Variants in EPYC observed in about 807,000 individuals in gnomAD.
EPYC encodes the protein dermatan sulfate proteoglycan 3.
Under a neutral mutation model 30.1 loss-of-function variants are expected in EPYC, and 28 were observed. The ratio of observed to expected loss-of-function variants is 0.93; its 90% CI spans 0.69 to 1.28. The LOEUF is 1.28. Among genes scored for constraint, EPYC ranks in the 50% most tolerant of loss-of-function variants. The probability of loss-of-function intolerance (pLI) is 0.00; values close to 1 mark genes in which losing one functional copy is unlikely to be tolerated. For missense variants in EPYC, 382 were observed against 383.5 expected, an observed-to-expected ratio of 1.00 and a Z score of 0.03; for synonymous variants, 144 against 141.4, an observed-to-expected ratio of 1.02 and a Z score of -0.13.
intron 2 of EPYC, among the ~76,000 whole-genome samples, chr12:90,999,002 T>G (rs1158099075): frequency 2.0e-5 from 3 of 152,098 alleles, no homozygotes; most frequent in African/African-American, 7.2e-5. Context: ...TTCTATCTTT[T>G]AAGTCATCAA....
intron 6 of EPYC, among the ~76,000 whole-genome samples, chr12:90,964,690 TG>T (rs1477336330): frequency 6.6e-6 from 1 of 151,728 alleles, no homozygotes; most frequent in Non-Finnish European, 1.5e-5. Flanking sequence ...GAAAAAGGCA[TG>T]GAAAAAAAAC....
At chr12:90,998,331 A>G (rs1049941038) in intron 2 of EPYC, among the ~76,000 whole-genome samples, 2 of 152,074 alleles carry the variant, frequency 1.3e-5, no homozygotes, top group African/African-American at 4.8e-5. Flanking sequence ...CACACCAATA[A>G]ATGTACTTAC....
chr12:90,996,860 G>C (rs950143541), intron 2 of EPYC, among the ~76,000 whole-genome samples: 1 of 151,962 alleles, frequency 6.6e-6, no homozygotes, highest in Non-Finnish European at 1.5e-5. Context: ...TATCATTCCA[G>C]AAAGGATACG....
intron 2 of EPYC, among the ~76,000 whole-genome samples, chr12:90,988,432 A>G (rs1423073901): frequency 6.6e-6 from 1 of 152,158 alleles, no homozygotes; most frequent in Non-Finnish European, 1.5e-5. Context: ...GGAGGGAAAT[A>G]TTAAATTTGT....
chr12:90,997,415 A>G (rs538109644), intron 2 of EPYC, among the ~76,000 whole-genome samples: 1 of 152,162 alleles, frequency 6.6e-6, no homozygotes, highest in Admixed American at 6.6e-5. Context: ...TATTGCTACC[A>G]AGCACTTTGC....
At chr12:91,003,432 G>T (rs1877877551) in intron 1 of EPYC, among the ~76,000 whole-genome samples, 1 of 151,786 alleles carries the variant, frequency 6.6e-6, no homozygotes, top group Non-Finnish European at 1.5e-5. Flanking sequence ...TATGCCTGTG[G>T]GATTATAGCC....
chr12:90,966,228 G>GA (rs1876891690), intron 6 of EPYC, among the ~76,000 whole-genome samples: 1 of 152,122 alleles, frequency 6.6e-6, no homozygotes, highest in East Asian at 1.9e-4. Flanking sequence ...TTCTTAGAAA[G>GA]AAAGTGTTCA....
intron 2 of EPYC, among the ~76,000 whole-genome samples, chr12:90,996,437 G>A (rs1391825614): frequency 6.6e-6 from 1 of 151,718 alleles, no homozygotes; most frequent in Non-Finnish European, 1.5e-5. Flanking sequence ...TATTATAGGA[G>A]TATATTGCTT....
intron 5 of EPYC, among the ~76,000 whole-genome samples, chr12:90,971,483 A>G (rs1398219805): frequency 6.6e-6 from 1 of 151,982 alleles, no homozygotes; most frequent in East Asian, 1.9e-4. Flanking sequence ...CAGCCTAGGA[A>G]ATATGGCGAA....
rs745512967 is a variant in EPYC, at chr12:90,964,320, T to G, written c.805A>C (p.Asn269His). The G allele has an allele frequency of 1.2e-6, 2 of 1,602,722 alleles. No homozygotes were observed. Among genetic ancestry groups the G allele is most frequent in the South Asian group, 2.2e-5 (2 of 90,318 alleles). The change falls in exon 7 of 7, where the codon AAC becomes CAC. Residue 269 changes from asparagine (N) to histidine (H), a missense_variant. Physicochemically the swap from Asn to His is moderately conservative, Grantham distance 68. Transcript: ENST00000261172. ...NLRALHLQNNNILEMHEDTFC... is the reference protein window; with the variant it reads ...NLRALHLQNNHILEMHEDTFC... The stretch of plus-strand genomic sequence containing the variant: ...GTATCTTCGTGCATTTCCAGAATGT[T>G]GTTATTCTAAAAAAGATGAAAATAA...
intron 5 of EPYC, 22 bp from the exon 6 acceptor site, chr12:90,970,161 G>A: frequency 1.3e-6 from 2 of 1,547,066 alleles, no homozygotes; most frequent in Admixed American, 1.7e-5. Context: ...CCAAATGTGG[G>A]AACTCAATAA....
chr12:90,986,195 G>C (rs897569174), intron 2 of EPYC, among the ~76,000 whole-genome samples: 1 of 151,878 alleles, frequency 6.6e-6, no homozygotes, highest in African/African-American at 2.4e-5. Context: ...GGTATTGGAA[G>C]GACAATTCAG....
At chr12:90,996,114 A>T (rs913507627) in intron 2 of EPYC, among the ~76,000 whole-genome samples, 1 of 151,942 alleles carries the variant, frequency 6.6e-6, no homozygotes, top group African/African-American at 2.4e-5. Flanking sequence ...TGCCACCAGA[A>T]TAGTATAAAT....
At chr12:90,985,237 T>G (rs188254099) in intron 2 of EPYC, among the ~76,000 whole-genome samples, 56 of 151,010 alleles carry the variant, frequency 3.7e-4, no homozygotes, top group Admixed American at 9.2e-4. Context: ...GCACATGAAT[T>G]ATTCAATGAT....
intron 2 of EPYC, among the ~76,000 whole-genome samples, chr12:90,984,809 C>T (rs1032919130): frequency 1.3e-5 from 2 of 152,070 alleles, no homozygotes; most frequent in Non-Finnish European, 2.9e-5. Flanking sequence ...ACCACAAAAA[C>T]CCCCGGGCTA....
At chr12:90,985,752 C>G (rs117823794) in intron 2 of EPYC, among the ~76,000 whole-genome samples, 3,172 of 152,208 alleles carry the variant, frequency 0.021, 64 homozygotes, top group Admixed American at 0.039. Flanking sequence ...CAAAGGTTCT[C>G]TGGGCCAGAA....
intron 2 of EPYC, among the ~76,000 whole-genome samples, chr12:90,982,272 C>A (rs1243218387): frequency 1.3e-5 from 2 of 151,410 alleles, no homozygotes; most frequent in East Asian, 3.9e-4. Context: ...AGAATGGAAT[C>A]TTTTAAAAAC....
chr12:90,986,084 G>T (rs1877441980), intron 2 of EPYC, among the ~76,000 whole-genome samples: 1 of 152,114 alleles, frequency 6.6e-6, no homozygotes, highest in African/African-American at 2.4e-5. Context: ...ATTAGGGAGG[G>T]ACATATTAGC....
intron 2 of EPYC, among the ~76,000 whole-genome samples, chr12:90,978,555 A>G (rs1245537507): frequency 6.6e-6 from 1 of 152,048 alleles, no homozygotes; most frequent in East Asian, 1.9e-4. Context: ...GTTTAAAAAA[A>G]AGCTCATTTA....
Sources: allele counts gnomAD v4.1 joint callset (sites outside exome capture counted in the v4.1 genomes callset), GRCh38; gene constraint gnomAD v4.1.1; transcripts MANE v1.5; gene names NCBI Gene and HGNC (gene_info 2026-07-23, HGNC 2026-07-21).